OR2L13: variants seen among roughly 807,000 people sequenced by gnomAD.
OR2L13 encodes olfactory receptor 2L13.
A neutral mutation model predicts 15.3 loss-of-function variants in OR2L13; 14 were observed. The ratio of observed to expected loss-of-function variants is 0.91; its 90% CI spans 0.60 to 1.43. OR2L13 has a LOEUF of 1.43. Among genes scored for constraint, OR2L13 ranks in the 40% most tolerant of loss-of-function variants. The pLI is 0.00. For missense variants in OR2L13, 367 were observed against 387.9 expected (o/e 0.95, Z 0.45); for synonymous variants, 152 against 142.9 (o/e 1.06, Z -0.45).
chr1:248,012,969 A>G, the OR2L13 span, among the ~76,000 whole-genome samples: 8 of 151,882 alleles, frequency 5.3e-5, no homozygotes, highest in African/African-American at 1.9e-4. Flanking sequence ...ATTACTAAAT[A>G]TATTCTAGAT....
chr1:248,038,025 A>G, the OR2L13 span: 1 of 366,664 alleles, frequency 2.7e-6, no homozygotes, highest in Non-Finnish European at 4.9e-6. Context: ...ATTACAGTAT[A>G]TAGTTGTAAT....
At chr1:247,965,420 T>G in the OR2L13 span, 1 of 1,613,112 alleles carries the variant, frequency 6.2e-7, no homozygotes, top group Non-Finnish European at 8.5e-7. Context: ...TTTCTACTTG[T>G]TGGTCTTTTC....
the OR2L13 span, among the ~76,000 whole-genome samples, chr1:248,076,578 A>G: frequency 6.6e-6 from 1 of 152,084 alleles, no homozygotes; most frequent in Non-Finnish European, 1.5e-5. Flanking sequence ...TGTAAGTTGG[A>G]TTCCTAGATA....
the OR2L13 span, chr1:248,083,533 G>A: frequency 2.3e-6 from 2 of 859,676 alleles, no homozygotes; most frequent in African/African-American, 1.7e-5. Context: ...TTATATCAAT[G>A]CACAAACTTA....
chr1:247,959,217 G>T, the OR2L13 span, among the ~76,000 whole-genome samples: 1 of 151,930 alleles, frequency 6.6e-6, no homozygotes, highest in Non-Finnish European at 1.5e-5. Context: ...AGTTTGGCTG[G>T]ATATGAAATT....
chr1:248,054,232 TG>T, the OR2L13 span, among the ~76,000 whole-genome samples: 1 of 152,282 alleles, frequency 6.6e-6, no homozygotes, highest in Admixed American at 6.5e-5. Flanking sequence ...CCCCGTTGCT[TG>T]TTTTTTTCCA....
chr1:248,059,670 T>A, the OR2L13 span, among the ~76,000 whole-genome samples: 1 of 152,228 alleles, frequency 6.6e-6, no homozygotes, highest in South Asian at 2.1e-4. Flanking sequence ...AAATAATTGA[T>A]AATTGGCATT....
At chr1:247,940,036 C>A in the OR2L13 span, among the ~76,000 whole-genome samples, 1 of 152,248 alleles carries the variant, frequency 6.6e-6, no homozygotes, top group African/African-American at 2.4e-5. Flanking sequence ...AGTTTCTTTT[C>A]AAAAATCTAC....
the OR2L13 span, chr1:248,084,262 G>C: frequency 6.2e-7 from 1 of 1,611,786 alleles, no homozygotes; most frequent in Non-Finnish European, 8.5e-7. Context: ...GCTGCTAAGA[G>C]GAAGCACTCT....
At chr1:248,033,034 T>C in the OR2L13 span, among the ~76,000 whole-genome samples, 8 of 152,214 alleles carry the variant, frequency 5.3e-5, no homozygotes, top group East Asian at 3.8e-4. Flanking sequence ...TGGTTTGACT[T>C]ACAATATTTT....
At chr1:248,031,801 G>A in the OR2L13 span, among the ~76,000 whole-genome samples, 1 of 152,090 alleles carries the variant, frequency 6.6e-6, no homozygotes, top group African/African-American at 2.4e-5. Flanking sequence ...GAGGTAGGGG[G>A]AGATCGGAAA....
chr1:248,071,771 C>T, the OR2L13 span, among the ~76,000 whole-genome samples: 1 of 148,916 alleles, frequency 6.7e-6, no homozygotes, highest in African/African-American at 2.5e-5. Context: ...TAAGCAACTT[C>T]AGCAAAGTCT....
the OR2L13 span, among the ~76,000 whole-genome samples, chr1:248,000,334 C>G: frequency 1.3e-5 from 2 of 152,096 alleles, no homozygotes; most frequent in African/African-American, 4.8e-5. Flanking sequence ...AACTCTGTCA[C>G]TAGGTCACTG....
chr1:247,943,747 G>T, the OR2L13 span, among the ~76,000 whole-genome samples: 1 of 152,046 alleles, frequency 6.6e-6, no homozygotes, highest in Admixed American at 6.6e-5. Context: ...TAAGTGAGAA[G>T]CATCTGTATC....
chr1:248,046,121 A>T, the OR2L13 span, among the ~76,000 whole-genome samples: 1 of 152,194 alleles, frequency 6.6e-6, no homozygotes, highest in Non-Finnish European at 1.5e-5. Context: ...AATTCAATTC[A>T]ATTAATAAAT....
chr1:248,083,780 C>T, the OR2L13 span: 3 of 1,613,808 alleles, frequency 1.9e-6, no homozygotes, highest in Middle Eastern at 1.6e-4. Context: ...AGAAGGCTGA[C>T]ACAACCTTGT....
the OR2L13 span, among the ~76,000 whole-genome samples, chr1:247,937,972 A>T: frequency 6.6e-6 from 1 of 152,214 alleles, no homozygotes; most frequent in Non-Finnish European, 1.5e-5. Flanking sequence ...TGGACATCAT[A>T]ACATATTGTA....
the OR2L13 span, chr1:248,061,539 C>T: frequency 1.9e-6 from 3 of 1,613,890 alleles, no homozygotes; most frequent in South Asian, 3.3e-5. Flanking sequence ...TGCTCAACCC[C>T]ATCATCTATA....
At chr1:247,967,045 C>CACACACACACACA in the OR2L13 span, among the ~76,000 whole-genome samples, 1,585 of 147,428 alleles carry the variant, frequency 0.011, 24 homozygotes, top group African/African-American at 0.036. Flanking sequence ...ACACCACACA[C>CACACACACACACA]CACACACACA....
Sources: gnomAD v4.1 joint callset for allele counts (sites outside exome capture counted in the v4.1 genomes callset) on GRCh38, gnomAD v4.1.1 for gene constraint, MANE v1.5 for transcripts, NCBI Gene and HGNC (gene_info 2026-07-23, HGNC 2026-07-21) for gene names.